IKBKB: variants seen among roughly 807,000 people sequenced by gnomAD.
IKBKB encodes inhibitor of nuclear factor kappa B kinase subunit beta, also known as inhibitor of nuclear factor kappa-B kinase subunit beta.
IKBKB carries 42 observed loss-of-function variants against 113.6 expected under a neutral mutation model. The observed-to-expected ratio is 0.37, with a 90% confidence interval of 0.29 to 0.48. The LOEUF (loss-of-function observed/expected upper bound fraction) is 0.48. IKBKB is among the 20% of genes least tolerant of loss of function. IKBKB has a pLI of 0.99. For missense variants in IKBKB, 673 were observed against 939.7 expected, an observed-to-expected ratio of 0.72 and a Z score of 3.71; for synonymous variants, 296 against 361.3, an observed-to-expected ratio of 0.82 and a Z score of 2.05.
intron 2 of IKBKB, among the ~76,000 whole-genome samples, chr8:42,280,805 G>A (rs117266703): frequency 2.6e-5 from 4 of 152,156 alleles, no homozygotes; most frequent in Non-Finnish European, 5.9e-5. Flanking sequence ...GAGTATTAAC[G>A]ATCCCTTCTA....
chr8:42,275,383 G>A (rs926950471), intron 2 of IKBKB, among the ~76,000 whole-genome samples: 1 of 151,486 alleles, frequency 6.6e-6, no homozygotes, highest in Admixed American at 6.6e-5. Flanking sequence ...TAGGAGGTCT[G>A]TCTGTTGCCC....
chr8:42,279,990 A>G (rs1810016565), intron 2 of IKBKB, among the ~76,000 whole-genome samples: 1 of 152,154 alleles, frequency 6.6e-6, no homozygotes, highest in Admixed American at 6.5e-5. Flanking sequence ...CTGGGACTAC[A>G]GGCGTGAGAC....
intron 19 of IKBKB, 67 bp downstream of exon 19, chr8:42,322,561 C>T (rs879219364): frequency 3.4e-5 from 52 of 1,543,564 alleles, no homozygotes; most frequent in South Asian, 3.1e-4. Context: ...CCTCTGTGCA[C>T]TGCCGCCATC....
chr8:42,327,367 T>C (rs562808739), intron 20 of IKBKB, among the ~76,000 whole-genome samples: 2 of 138,494 alleles, frequency 1.4e-5, no homozygotes, highest in Non-Finnish European at 3.1e-5. Context: ...AGACTCTTGC[T>C]CTGTTGCCCA....
Position 42,274,796 on chromosome 8 carries a change from C to A in IKBKB, c.105+2591C>A, listed in dbSNP as rs908975055. ...GATCCCCGCCGGCGCGCCCCCCCCC[C>A]CCCCCGCCATCCCAGCCTCCCAAAG... On this transcript the variant is annotated intron_variant, in intron 2 of 21. Coordinates refer to ENST00000520810, the MANE Select transcript of IKBKB (RefSeq NM_001556.3). Among the ~76,000 whole-genome samples the A allele has an allele frequency of 5.5e-4, 46 of 83,284 alleles. 9 individuals carry two copies. The East Asian group carries it at 0.014, about 25-fold the overall frequency. The allele number at this position is 83,284 out of a possible 152,430, so 54.6% of individuals were successfully genotyped here.
chr8:42,307,642 C>T (rs1418004658), intron 7 of IKBKB, among the ~76,000 whole-genome samples: 1 of 152,148 alleles, frequency 6.6e-6, no homozygotes. Context: ...GAGTGGGTCT[C>T]ACAGAGGGCT....
At chr8:42,284,497 G>T (rs1810989954) in intron 2 of IKBKB, among the ~76,000 whole-genome samples, 1 of 151,848 alleles carries the variant, frequency 6.6e-6, no homozygotes, top group South Asian at 2.1e-4. Context: ...CAGGAGAATG[G>T]CGTGAACCCG....
chr8:42,300,284 G>C (rs922647874), intron 5 of IKBKB, among the ~76,000 whole-genome samples: 2 of 152,142 alleles, frequency 1.3e-5, no homozygotes, highest in East Asian at 3.8e-4. Context: ...TTTACTGAGG[G>C]AACGGACATC....
At chr8:42,306,966 G>T (rs1269880756) in intron 7 of IKBKB, among the ~76,000 whole-genome samples, 1 of 152,142 alleles carries the variant, frequency 6.6e-6, no homozygotes, top group Non-Finnish European at 1.5e-5. Context: ...TCTGTGTCAG[G>T]CACTGTGCTC....
rs560941909 is a variant in IKBKB, at chr8:42,299,815, G to A, written c.389-5372G>A. On this transcript the variant is annotated intron_variant, in intron 5 of 21. Coordinates refer to ENST00000520810, the MANE Select transcript of IKBKB (RefSeq NM_001556.3). ...ACAGCTGCAGACCTGCCCCTCTGTG[G>A]GGATTGCCTGGCCTGGGGTCACGGG... is the stretch of plus-strand genomic sequence containing the variant. Among the ~76,000 whole-genome samples, 5 of 152,334 alleles carry A rather than the reference G, an allele frequency of 3.3e-5. 1 individual carries two copies. Among genetic ancestry groups the A allele is most frequent in the African/African-American group, 1.2e-4 (5 of 41,572 alleles).
At chr8:42,292,468 C>G (rs1812839410) in intron 4 of IKBKB, among the ~76,000 whole-genome samples, 1 of 152,184 alleles carries the variant, frequency 6.6e-6, no homozygotes, top group Non-Finnish European at 1.5e-5. Context: ...GACACTGTTG[C>G]CCAGTGTCTT....
intron 5 of IKBKB, chr8:42,297,956 C>T (rs551172052): frequency 1.0e-5 from 3 of 298,268 alleles, no homozygotes; most frequent in African/African-American, 6.8e-5. Flanking sequence ...CCCCCTGCAT[C>T]CTGGCCAGGA....
intron 2 of IKBKB, among the ~76,000 whole-genome samples, chr8:42,274,615 C>G (rs941943933): frequency 6.7e-6 from 1 of 149,256 alleles, no homozygotes; most frequent in African/African-American, 2.5e-5. Context: ...TCACTGCAAC[C>G]TCTGCCTCCC....
chr8:42,316,376 TG>T lies in IKBKB; in HGVS notation c.930+41del. 1.2e-6 allele frequency: 2 copies of T among 1,613,026 alleles called. No homozygotes were observed. The highest frequency in any genetic ancestry group is 1.7e-6 in the Non-Finnish European group (2 of 1,179,330). On this transcript the variant is annotated intron_variant, in intron 10 of 21. Coordinates refer to ENST00000520810, the MANE Select transcript of IKBKB (RefSeq NM_001556.3). This position sits in a 1 kb window ranked among gnomAD's most constrained non-coding sequence, Gnocchi z 4.5. ...GCCAAGTTAGCCCTGAGGCAAAAGC[TG>T]GGGTCCCCAGTGGAACATGCAGTTC...
At chr8:42,318,119 A>G (rs1013312091) in intron 12 of IKBKB, among the ~76,000 whole-genome samples, 2 of 152,080 alleles carry the variant, frequency 1.3e-5, no homozygotes, top group South Asian at 4.1e-4. Flanking sequence ...GAAATTAGCC[A>G]GATGTGGTGG....
chr8:42,320,572 T>C (rs1819567316), intron 15 of IKBKB, 163 bp from the exon 16 acceptor site: 2 of 582,194 alleles, frequency 3.4e-6, no homozygotes, highest in African/African-American at 1.9e-5. Flanking sequence ...GGACCCTAGA[T>C]GCAGGCGCAG....
chr8:42,309,231 C>T (rs1049722146), intron 8 of IKBKB, among the ~76,000 whole-genome samples: 1 of 152,176 alleles, frequency 6.6e-6, no homozygotes, highest in Non-Finnish European at 1.5e-5. Flanking sequence ...GCTGTTAAGT[C>T]TTCATGTGGA....
intron 5 of IKBKB, among the ~76,000 whole-genome samples, chr8:42,296,844 G>A (rs1360194041): frequency 6.6e-6 from 1 of 152,192 alleles, no homozygotes; most frequent in Middle Eastern, 3.2e-3. Flanking sequence ...TAAAATGGGA[G>A]CGTTACTCAC....
chr8:42,330,768 A>G, intron 21 of IKBKB, 146 bp from the exon 22 acceptor site: 3 of 1,462,360 alleles, frequency 2.1e-6, no homozygotes, highest in African/African-American at 2.8e-5. Context: ...TTGGCCTCCC[A>G]AAGTGTTGGG....
Sources: gnomAD v4.1 joint callset for allele counts (sites outside exome capture counted in the v4.1 genomes callset) on GRCh38, gnomAD v4.1.1 for gene constraint, Gnocchi (gnomAD v3.1) non-coding constraint, MANE v1.5 for transcripts, NCBI Gene and HGNC (gene_info 2026-07-23, HGNC 2026-07-21) for gene names.